The following GALNT13 variants were observed in gnomAD, a reference collection of about 807,000 sequenced individuals.
GALNT13 encodes the protein polypeptide N-acetylgalactosaminyltransferase 13, also known as UDP-GalNAc:polypeptide N-acetylgalactosaminyltransferase 13.
A neutral mutation model predicts 64.2 loss-of-function variants in GALNT13; 28 were observed. That is an observed-to-expected ratio of 0.44 (90% CI 0.32 to 0.60). The LOEUF is 0.60. Ranked by LOEUF, GALNT13 falls within the 20% of genes least tolerant of loss-of-function variation. The probability of loss-of-function intolerance (pLI) is 0.05; values close to 1 mark genes in which losing one functional copy is unlikely to be tolerated. For synonymous variants in GALNT13, 214 were observed against 224.6 expected (o/e 0.95, Z 0.42); for missense variants, 577 against 669.8 (o/e 0.86, Z 1.53).
intron 3 of GALNT13, among the ~76,000 whole-genome samples, chr2:154,124,654 T>A (rs2105526288): frequency 6.6e-6 from 1 of 151,678 alleles, no homozygotes; most frequent in African/African-American, 2.4e-5. Flanking sequence ...TAGGGAAAGT[T>A]TAATTAATTT....
chr2:154,375,891 G>A (rs1312161054), intron 9 of GALNT13, among the ~76,000 whole-genome samples: 1 of 152,178 alleles, frequency 6.6e-6, no homozygotes, highest in Non-Finnish European at 1.5e-5. Context: ...CCACATGACA[G>A]ATTTCCTTTT....
At chr2:153,339,254 C>T in the GALNT13 span, among the ~76,000 whole-genome samples, 3 of 152,136 alleles carry the variant, frequency 2.0e-5, no homozygotes, top group African/African-American at 7.2e-5. Context: ...ACAAGGGTTC[C>T]CTTTTCTTCA....
At chr2:154,008,086 G>A (rs1234349789) in intron 3 of GALNT13, among the ~76,000 whole-genome samples, 1 of 152,026 alleles carries the variant, frequency 6.6e-6, no homozygotes, top group East Asian at 1.9e-4. Flanking sequence ...CATTACAGTT[G>A]GTTGGGTCAA....
the GALNT13 span, among the ~76,000 whole-genome samples, chr2:153,696,033 T>TTAAGGAGTATTGATACACACAA: frequency 6.6e-6 from 1 of 152,072 alleles, no homozygotes; most frequent in Admixed American, 6.6e-5. Context: ...GGGGAGTTTA[T>TTAAGGAGTATTGATACACACAA]TAAGGAGTAT....
At chr2:153,737,188 G>A in the GALNT13 span, among the ~76,000 whole-genome samples, 9 of 152,292 alleles carry the variant, frequency 5.9e-5, no homozygotes, top group African/African-American at 1.7e-4. Context: ...AGGCAGAAAG[G>A]GAGAAAGGGT....
At chr2:154,071,418 T>G (rs914258013) in intron 3 of GALNT13, among the ~76,000 whole-genome samples, 1 of 152,188 alleles carries the variant, frequency 6.6e-6, no homozygotes, top group African/African-American at 2.4e-5. Context: ...ACCTTAAATG[T>G]AGGAAATTTG....
the GALNT13 span, among the ~76,000 whole-genome samples, chr2:153,101,916 T>C: frequency 6.6e-6 from 1 of 152,254 alleles, no homozygotes; most frequent in South Asian, 2.1e-4. Context: ...TTGAATACTT[T>C]TCCATTTTTA....
chr2:154,158,441 A>G (rs998433554), intron 4 of GALNT13, among the ~76,000 whole-genome samples: 1 of 152,184 alleles, frequency 6.6e-6, no homozygotes, highest in East Asian at 1.9e-4. Context: ...TTTTACCTGA[A>G]TCATTGTAGC....
the GALNT13 span, among the ~76,000 whole-genome samples, chr2:153,554,427 A>G: frequency 2.4e-4 from 37 of 152,336 alleles, 1 homozygote; most frequent in South Asian, 7.5e-3. Context: ...TTGGTATTAT[A>G]CAAATGAGAA....
the GALNT13 span, chr2:153,208,232 G>A: frequency 2.6e-5 from 4 of 152,222 alleles, 1 homozygote; most frequent in South Asian, 8.3e-4. Context: ...ATTTGGTAGA[G>A]TATATAATCA....
At chr2:154,234,367 T>G (rs1044868460) in intron 4 of GALNT13, among the ~76,000 whole-genome samples, 3 of 152,174 alleles carry the variant, frequency 2.0e-5, no homozygotes, top group Non-Finnish European at 4.4e-5. Flanking sequence ...ACTTCTGCAA[T>G]GTAGATATCG....
At position 154,002,167 on chromosome 2, in the gene GALNT13, A is replaced by G. The variant is rs185522997; in HGVS notation, c.142+57528A>G. Among the ~76,000 whole-genome samples, 40 of 152,138 alleles carry G rather than the reference A, an allele frequency of 2.6e-4. 1 individual carries two copies. In the South Asian group the frequency reaches 4.6e-3, roughly 17 times the overall value. ...TGAATTCCTCTTTGGATTGAATTTA[A>G]TTGTTGACTTCTGAGCTTTCTATAC... On this transcript the variant is annotated intron_variant, in intron 3 of 12. Coordinates refer to ENST00000392825, the MANE Select transcript of GALNT13 (RefSeq NM_052917.4).
the GALNT13 span, among the ~76,000 whole-genome samples, chr2:153,137,424 G>T: frequency 6.6e-6 from 1 of 152,000 alleles, no homozygotes; most frequent in East Asian, 1.9e-4. Context: ...ATTACTCCAG[G>T]TCTGTCCTCA....
chr2:153,370,284 GAAAT>G, the GALNT13 span, among the ~76,000 whole-genome samples: 3 of 151,982 alleles, frequency 2.0e-5, no homozygotes, highest in South Asian at 6.2e-4. Context: ...TTTCTTCTAA[GAAAT>G]AAAGAGGAAA....
At chr2:153,830,829 T>G in the GALNT13 span, among the ~76,000 whole-genome samples, 2 of 152,204 alleles carry the variant, frequency 1.3e-5, no homozygotes, top group African/African-American at 2.4e-5. Context: ...TCAATGTAAC[T>G]CTTCCTTTAA....
Position 154,234,815 on chromosome 2 carries a change from A to G in GALNT13, c.312-7215A>G, listed in dbSNP as rs140429515. On this transcript the variant is annotated intron_variant, in intron 4 of 12. Coordinates refer to ENST00000392825, the MANE Select transcript of GALNT13 (RefSeq NM_052917.4). ...ATATTTTTGTGACATGCAGAATGCT[A>G]GATTCTGGAGAGGCAGAGATAAATA... 7.5e-3 allele frequency among the ~76,000 whole-genome samples: 1,142 copies of G among 152,198 alleles called. 5 individuals are homozygous for G. Among genetic ancestry groups the G allele is most frequent in the Non-Finnish European group, 0.012 (805 of 68,002 alleles).
At chr2:153,841,786 A>G in the GALNT13 span, among the ~76,000 whole-genome samples, 1 of 152,204 alleles carries the variant, frequency 6.6e-6, no homozygotes, top group Non-Finnish European at 1.5e-5. Context: ...TAAAATTATT[A>G]TAAGGTCCTT....
chr2:153,597,803 T>C, the GALNT13 span, among the ~76,000 whole-genome samples: 1 of 151,942 alleles, frequency 6.6e-6, no homozygotes, highest in African/African-American at 2.4e-5. Flanking sequence ...AATGAGCAAC[T>C]CTAAAAAAGT....
intron 4 of GALNT13, among the ~76,000 whole-genome samples, chr2:154,182,235 G>C (rs1685998820): frequency 6.6e-6 from 1 of 152,108 alleles, no homozygotes; most frequent in African/African-American, 2.4e-5. Flanking sequence ...GACTCCCAAA[G>C]ATATGTTAAT....
Sources: gnomAD v4.1 joint callset for allele counts (sites outside exome capture counted in the v4.1 genomes callset) on GRCh38, gnomAD v4.1.1 for gene constraint, MANE v1.5 for transcripts, NCBI Gene and HGNC (gene_info 2026-07-23, HGNC 2026-07-21) for gene names.